The following MEGF6 variants were observed in gnomAD, a reference collection of about 807,000 sequenced individuals.
MEGF6 encodes the protein multiple epidermal growth factor-like domains protein 6.
Under a neutral mutation model 207.1 loss-of-function variants are expected in MEGF6, and 184 were observed. The ratio of observed to expected loss-of-function variants is 0.89; its 90% CI spans 0.79 to 1.00. MEGF6 has a LOEUF of 1.00. Ranked by LOEUF, MEGF6 falls within the 50% of genes least tolerant of loss-of-function variation. The pLI, the probability that MEGF6 is intolerant of heterozygous loss-of-function variation, is 0.00. For synonymous variants in MEGF6, 1,038 were observed against 910.0 expected (o/e 1.14, Z -2.53); for missense variants, 2,282 against 2,202.9 (o/e 1.04, Z -0.72).
At chr1:3,584,395 C>A (rs1017372568) in intron 3 of MEGF6, among the ~76,000 whole-genome samples, 1 of 152,240 alleles carries the variant, frequency 6.6e-6, no homozygotes, top group Admixed American at 6.5e-5. Context: ...TTTCTTCCTG[C>A]CCCTTGAACA....
chr1:3,530,221 T>G (rs1642104228), intron 4 of MEGF6, among the ~76,000 whole-genome samples: 1 of 152,216 alleles, frequency 6.6e-6, no homozygotes, highest in East Asian at 1.9e-4. Flanking sequence ...AGCCAGGGAA[T>G]GAAGGAAGCC....
At chr1:3,494,344 G>A (rs994799292) in intron 32 of MEGF6, 27 bp downstream of exon 32, 13 of 1,531,432 alleles carry the variant, frequency 8.5e-6, no homozygotes, top group East Asian at 2.5e-5. Flanking sequence ...AGGGGCCCCA[G>A]CCCAGCTGCA....
Position 3,488,714 on chromosome 1 carries a change from T to C in MEGF6, c.*1814A>G, listed in dbSNP as rs935450019. Among the ~76,000 whole-genome samples, 4 of 152,242 alleles carry C rather than the reference T, an allele frequency of 2.6e-5. No homozygotes were observed. Among genetic ancestry groups the C allele is most frequent in the African/African-American group, 9.6e-5 (4 of 41,456 alleles). ...TTTCTGGCTCTCCGTGTTTCTCACGTATAGTCTGAGGTCAATTTGATTCCC... is the reference window on the plus strand; with the variant it reads ...TTTCTGGCTCTCCGTGTTTCTCACGCATAGTCTGAGGTCAATTTGATTCCC... On this transcript the variant is annotated 3_prime_UTR_variant, in exon 37 of 37. Transcript: ENST00000356575.
intron 3 of MEGF6, among the ~76,000 whole-genome samples, chr1:3,584,032 A>G (rs1197061962): frequency 6.6e-6 from 1 of 152,240 alleles, no homozygotes; most frequent in Non-Finnish European, 1.5e-5. Context: ...CCAGCTGCCC[A>G]GCTTCCCAGG....
chr1:3,526,140 A>G (rs1198756247), intron 4 of MEGF6, among the ~76,000 whole-genome samples: 1 of 152,224 alleles, frequency 6.6e-6, no homozygotes. Flanking sequence ...AGAGACTTCC[A>G]GAAGCACTCC....
chr1:3,573,667 G>A lies in MEGF6; in HGVS notation c.481+6158C>T, dbSNP rs1316448301. ...GTGAAAAGAACATCCCTGCCCCAGA[G>A]CCCGCCCTTCCAGGAGCCCCGTCCT... On this transcript the variant is annotated intron_variant, in intron 4 of 36. Coordinates refer to ENST00000356575, the MANE Select transcript of MEGF6 (RefSeq NM_001409.4). This position sits in a 1 kb window ranked among gnomAD's most constrained non-coding sequence, Gnocchi z 5.1. Among the ~76,000 whole-genome samples the A allele has an allele frequency of 1.3e-5, 2 of 152,128 alleles. No homozygotes were observed. The highest frequency in any genetic ancestry group is 2.9e-5 in the Non-Finnish European group (2 of 68,002).
rs1643574644 is a variant in MEGF6 at position 3,573,835 on chromosome 1, G to A, written c.481+5990C>T. Among the ~76,000 whole-genome samples, 1 of 152,158 alleles carries A rather than the reference G, an allele frequency of 6.6e-6. No homozygotes were observed. Among genetic ancestry groups the A allele is most frequent in the South Asian group, 2.1e-4 (1 of 4,828 alleles). ...TCAGACTCCCACCCTCAGACACAGTGGGCAGCATTGAAAGGCAGTGGGGAG... is the reference window on the plus strand; with the variant it reads ...TCAGACTCCCACCCTCAGACACAGTAGGCAGCATTGAAAGGCAGTGGGGAG... On this transcript the variant is annotated intron_variant, in intron 4 of 36. Coordinates refer to ENST00000356575, the MANE Select transcript of MEGF6 (RefSeq NM_001409.4). This position sits in a 1 kb window ranked among gnomAD's most constrained non-coding sequence, Gnocchi z 5.1.
chr1:3,559,749 A>T (rs1036690954), intron 4 of MEGF6, among the ~76,000 whole-genome samples: 2 of 152,096 alleles, frequency 1.3e-5, no homozygotes, highest in Non-Finnish European at 2.9e-5. Flanking sequence ...CGGTGGCTCA[A>T]GCCTGTAATC....
chr1:3,576,726 T>TCAGCCCTGCACACTCCACCCTGCATGCC (rs1290386422), intron 4 of MEGF6, among the ~76,000 whole-genome samples: 7 of 143,118 alleles, frequency 4.9e-5, no homozygotes, highest in Non-Finnish European at 1.1e-4. Context: ...TCCTGCACCC[T>TCAGCCCTGCACACTCCACCCTGCATGCC]CAGCCCTGCA....
chr1:3,604,498 G>A (rs1040841657), intron 1 of MEGF6, among the ~76,000 whole-genome samples: 2 of 152,190 alleles, frequency 1.3e-5, no homozygotes, highest in African/African-American at 2.4e-5. Context: ...CAGGTGGAAA[G>A]GCTCTGCCAT....
chr1:3,498,321 C>A, intron 26 of MEGF6, 50 bp downstream of exon 26: 1 of 1,565,632 alleles, frequency 6.4e-7, no homozygotes, highest in Non-Finnish European at 8.6e-7. Flanking sequence ...GCTGATGCCA[C>A]CCCTTCCCAG....
At chr1:3,596,530 C>T (rs1644069189) in intron 2 of MEGF6, among the ~76,000 whole-genome samples, 3 of 121,472 alleles carry the variant, frequency 2.5e-5, no homozygotes, top group Admixed American at 7.9e-5. Context: ...GGGCACCCCG[C>T]GCCATCCCCT....
intron 3 of MEGF6, among the ~76,000 whole-genome samples, chr1:3,591,859 A>T (rs1643985355): frequency 1.2e-5 from 1 of 85,962 alleles, no homozygotes; most frequent in Admixed American, 1.1e-4. Flanking sequence ...CTCACAAGGG[A>T]CCGGATGGGG....
At chr1:3,579,972 G>T in intron 3 of MEGF6, 43 bp from the exon 4 acceptor site, 1 of 1,400,120 alleles carries the variant, frequency 7.1e-7, no homozygotes, top group Non-Finnish European at 9.5e-7. Context: ...GCAAGGAGGG[G>T]TGAGGCAGGG....
intron 4 of MEGF6, among the ~76,000 whole-genome samples, chr1:3,525,805 G>A (rs1290033690): frequency 6.6e-6 from 1 of 152,256 alleles, no homozygotes; most frequent in Admixed American, 6.5e-5. Context: ...CAGCGGGAAA[G>A]CACAGATGTG....
At chr1:3,569,925 C>A (rs1159419175) in intron 4 of MEGF6, among the ~76,000 whole-genome samples, 5 of 152,232 alleles carry the variant, frequency 3.3e-5, no homozygotes, top group Admixed American at 3.3e-4. Flanking sequence ...GTGCACAGAG[C>A]CAAGGCCAGG....
chr1:3,510,510 C>T (rs540812905), intron 10 of MEGF6, among the ~76,000 whole-genome samples: 329 of 148,058 alleles, frequency 2.2e-3, no homozygotes, highest in African/African-American at 7.9e-3. Context: ...CACAGCCCTG[C>T]ACGCAGCAGG....
At chr1:3,621,596 C>T in the MEGF6 span, among the ~76,000 whole-genome samples, 2 of 152,194 alleles carry the variant, frequency 1.3e-5, no homozygotes, top group Admixed American at 6.5e-5. Flanking sequence ...CGGAACAGCT[C>T]GTGCCCTCGG....
At chr1:3,564,738 G>A (rs914883696) in intron 4 of MEGF6, among the ~76,000 whole-genome samples, 4 of 152,178 alleles carry the variant, frequency 2.6e-5, no homozygotes, top group African/African-American at 9.7e-5. Flanking sequence ...CAACAGGGGT[G>A]AGTGTCCCAC....
Sources: allele counts gnomAD v4.1 joint callset (sites outside exome capture counted in the v4.1 genomes callset), GRCh38; gene constraint gnomAD v4.1.1; non-coding constraint Gnocchi (gnomAD v3.1); transcripts MANE v1.5; gene names NCBI Gene and HGNC (gene_info 2026-07-23, HGNC 2026-07-21).